The following AHNAK variants were observed in gnomAD, a reference collection of about 807,000 sequenced individuals.
The protein encoded by AHNAK is neuroblast differentiation-associated protein AHNAK.
A neutral mutation model predicts 37.8 loss-of-function variants in AHNAK; 23 were observed. The observed-to-expected ratio is 0.61, with a 90% CI of 0.44 to 0.86. The LOEUF is 0.86. Ranked by LOEUF, AHNAK falls within the 40% of genes least tolerant of loss-of-function variation. AHNAK has a pLI of 0.00. For missense variants in AHNAK, 7,411 were observed against 7,319.4 expected (o/e 1.01, Z -0.46); for synonymous variants, 2,481 against 2,636.3 (o/e 0.94, Z 1.80).
At position 62,517,657 on chromosome 11, in the gene AHNAK, T is replaced by C. The variant is rs755357271; in HGVS notation, c.16760A>G (p.His5587Arg). 1 of 1,614,182 alleles carries C rather than the reference T, an allele frequency of 6.2e-7. No individual in the cohort carries two copies. Among genetic ancestry groups the C allele is most frequent in the Non-Finnish European group, 8.5e-7 (1 of 1,180,032 alleles). ...ACCCCCGGAACCTTTAACACTCAAA[T>C]GCCCTTCACCAAGGCTGATGTCTGG... The part of the protein sequence containing the change: ...SAPDISLGEG[H>R]LSVKGSGGEW... Residue 5587 changes from histidine to arginine, a missense_variant, in exon 5 of 5, where the codon CAT becomes CGT. His to Arg is a conservative substitution (Grantham distance 29). Coordinates refer to ENST00000378024, the MANE Select transcript of AHNAK (RefSeq NM_001620.3).
Position 62,526,127 on chromosome 11 carries a change from G to A in AHNAK, c.8290C>T (p.Leu2764=). 6.2e-7 allele frequency: 1 copy of A among 1,613,638 alleles called. No individual in the cohort carries two copies. ...DVDVHGPDWH[L]KMPKIKMPKI... ...GGCATTTTTATCTTGGGCATCTTTA[G>A]GTGCCAGTCTGGGCCATGAACATCA... The change falls in exon 5 of 5, where the codon CTA becomes TTA. Residue 2764 remains leucine (L), a synonymous_variant. Coordinates refer to ENST00000378024, the MANE Select transcript of AHNAK (RefSeq NM_001620.3).
Position 62,524,168 on chromosome 11 carries a change from T to C in AHNAK, c.10249A>G (p.Met3417Val), listed in dbSNP as rs375550979. 3 of 1,614,138 alleles carry C rather than the reference T, an allele frequency of 1.9e-6. No individual in the cohort carries two copies. The highest frequency in any genetic ancestry group is 3.3e-5 in the Admixed American group (2 of 60,006). ...TTCAAATTTAGCTCCACGTCAGGCA[T>C]AGAAACTTTGGGAGATGAAATACTC... ...FLSISSPKVS[M>V]PDVELNLKSP... Residue 3417 changes from methionine to valine, a missense_variant, in exon 5 of 5, where the codon ATG (methionine) becomes GTG (valine). Met to Val is a conservative substitution (Grantham distance 21). Coordinates refer to ENST00000378024, the MANE Select transcript of AHNAK (RefSeq NM_001620.3).
In AHNAK at chr11:62,524,126, C is replaced by T. The variant is rs1404883921; in HGVS notation, c.10291G>A (p.Gly3431Arg). 2 of 1,614,122 alleles carry T rather than the reference C, an allele frequency of 1.2e-6. No individual in the cohort carries two copies. Among genetic ancestry groups the T allele is most frequent in the Admixed American group, 1.7e-5 (1 of 60,016 alleles). ...TTGGGACCTGCAATATCTAAGTCTC[C>T]TTTGACTTTGGGACTTTTCAAATTT... ...ELNLKSPKVK[G>R]DLDIAGPNLE... The change falls in exon 5 of 5, where the codon GGA becomes AGA. Residue 3431 changes from glycine to arginine, a missense_variant. Physicochemically the swap from Gly to Arg is moderately radical, Grantham distance 125. Coordinates refer to ENST00000378024, the MANE Select transcript of AHNAK (RefSeq NM_001620.3).
rs775609308 is a variant in AHNAK at position 62,543,009 on chromosome 11, C to G, written c.-100+3651G>C. Reference sequence around the variant, plus strand: ...CCGGCTCTGTCGCTGAAGAGCTACCCCCGAGCCCCGCCAGGACACGTAGCT... The same window carrying G: ...CCGGCTCTGTCGCTGAAGAGCTACCGCCGAGCCCCGCCAGGACACGTAGCT... On this transcript the variant is annotated intron_variant, in intron 1 of 4. Coordinates refer to ENST00000378024, the MANE Select transcript of AHNAK (RefSeq NM_001620.3). Among the ~76,000 whole-genome samples, 47 of 152,156 alleles carry G rather than the reference C, an allele frequency of 3.1e-4. 1 individual carries two copies. The highest frequency in any genetic ancestry group is 2.4e-4 in the Non-Finnish European group (16 of 68,006).
Position 62,525,562 on chromosome 11 carries a change from T to A in AHNAK, c.8855A>T (p.Lys2952Met), listed in dbSNP as rs137943783. The change falls in exon 5 of 5, where the codon AAG (lysine) becomes ATG (methionine). Residue 2952 changes from lysine to methionine, a missense_variant. Lys to Met is a moderately conservative substitution (Grantham distance 95, BLOSUM62 -1). Coordinates refer to ENST00000378024, the MANE Select transcript of AHNAK (RefSeq NM_001620.3). ...PEGKLKGPKF[K>M]MPEMNIKAPK... Reference sequence around the variant, plus strand: ...GGCTTTGATATTCATCTCTGGCATCTTGAACTTGGGCCCTTTCAACTTTCC... The same window carrying A: ...GGCTTTGATATTCATCTCTGGCATCATGAACTTGGGCCCTTTCAACTTTCC... 6.2e-7 allele frequency: 1 copy of A among 1,613,960 alleles called. No individual in the cohort carries two copies.
rs1233199071 is a variant in AHNAK, at chr11:62,524,855, C to T, written c.9562G>A (p.Val3188Ile). 8.1e-6 allele frequency: 13 copies of T among 1,613,804 alleles called. No individual in the cohort carries two copies. The highest frequency in any genetic ancestry group is 6.7e-5 in the East Asian group (3 of 44,846). ...DLDVSGPKVD[V>I]DVPDVNIEGP... Reference sequence around the variant, plus strand: ...TCAATATTCACATCTGGAACATCAACGTCCACCTTGGGTCCTGAGACGTCA... The same window carrying T: ...TCAATATTCACATCTGGAACATCAATGTCCACCTTGGGTCCTGAGACGTCA... The change falls in exon 5 of 5, where the codon GTT (valine) becomes ATT (isoleucine). Residue 3188 changes from valine to isoleucine, a missense_variant. Transcript: ENST00000378024.
chr11:62,439,366 GA>G (rs1275458164), intron 5 of AHNAK, among the ~76,000 whole-genome samples: 3 of 152,012 alleles, frequency 2.0e-5, no homozygotes, highest in Middle Eastern at 3.4e-3. Context: ...AAAGTGCTGG[GA>G]TTACAGGCGT....
At chr11:62,439,793 G>A (rs536561487) in intron 5 of AHNAK, among the ~76,000 whole-genome samples, 68 of 150,136 alleles carry the variant, frequency 4.5e-4, no homozygotes, top group Non-Finnish European at 7.5e-4. Flanking sequence ...TCAGCCTCCC[G>A]AGTAGGTGGG....
Position 62,526,026 on chromosome 11 carries a change from G to T in AHNAK, c.8391C>A (p.Val2797=). 1 of 1,613,564 alleles carries T rather than the reference G, an allele frequency of 6.2e-7. No individual in the cohort carries two copies. Among genetic ancestry groups the T allele is most frequent in the Non-Finnish European group, 8.5e-7 (1 of 1,179,926 alleles). The change falls in exon 5 of 5, where the codon GTC becomes GTA. Residue 2797 remains valine (V), a synonymous_variant. Transcript: ENST00000378024. ...DVNLPKADID[V]SGPKVDVECP... is the part of the protein sequence containing the mutation. The stretch of plus-strand genomic sequence containing the variant: ...ATTCAACATCCACTTTCGGTCCTGA[G>T]ACATCAATGTCAGCCTTGGGCAGGT...
intron 4 of AHNAK, among the ~76,000 whole-genome samples, chr11:62,494,325 G>C (rs1319713604): frequency 6.6e-6 from 1 of 152,012 alleles, no homozygotes; most frequent in Non-Finnish European, 1.5e-5. Context: ...TCAGTTTCTA[G>C]TTATAAAATG....
At position 62,519,119 on chromosome 11, in the gene AHNAK, G is replaced by A. The variant is rs772165133; in HGVS notation, c.15298C>T (p.Pro5100Ser). The A allele has an allele frequency of 2.5e-6, 4 of 1,613,766 alleles. No individual in the cohort carries two copies. The highest frequency in any genetic ancestry group is 1.1e-5 in the South Asian group (1 of 90,966). ...FPDVEFDIKSPKFKAEAPLPS... is the reference protein window; with the variant it reads ...FPDVEFDIKSSKFKAEAPLPS... ...AGAGGGGCCTCAGCTTTAAATTTAGGTGATTTAATGTCAAACTCTACATCT... is the reference window on the plus strand; with the variant it reads ...AGAGGGGCCTCAGCTTTAAATTTAGATGATTTAATGTCAAACTCTACATCT... The change falls in exon 5 of 5, where the codon CCT (proline) becomes TCT (serine). Residue 5100 changes from proline (P) to serine (S), a missense_variant. Pro to Ser is a moderately conservative substitution (Grantham distance 74). Transcript: ENST00000378024.
chr11:62,496,888 GGAAGGAAA>G (rs1239269727), intron 4 of AHNAK, among the ~76,000 whole-genome samples: 1 of 143,072 alleles, frequency 7.0e-6, no homozygotes, highest in Non-Finnish European at 1.5e-5. Context: ...AGGGAAGGAA[GGAAGGAAA>G]GAAAGAAAGA....
chr11:62,518,528 C>T lies in AHNAK; in HGVS notation c.15889G>A (p.Val5297Ile), dbSNP rs201931126. Residue 5297 changes from valine to isoleucine, a missense_variant, in exon 5 of 5, where the codon GTC becomes ATC. Coordinates refer to ENST00000378024, the MANE Select transcript of AHNAK (RefSeq NM_001620.3). ...LPSVNLSMPK[V>I]SGPDLDLNLK... is the part of the protein sequence containing the mutation. The stretch of plus-strand genomic sequence containing the variant: ...TTCAGATCAAGGTCAGGCCCAGAGA[C>T]TTTTGGCATAGAGAGGTTCACTGAA... The T allele has an allele frequency of 3.1e-4, 506 of 1,614,164 alleles. 2 individuals are homozygous for T. Among genetic ancestry groups the T allele is most frequent in the Non-Finnish European group, 9.7e-5 (114 of 1,180,040 alleles).
At position 62,532,161 on chromosome 11, in the gene AHNAK, C is replaced by T. The variant is rs890979942; in HGVS notation, c.2256G>A (p.Met752Ile). ...CTGGCACACTGAATTTGGGCATTTT[C>T]ATCTTGGGCATCTTCAAGTGCCAGT... ...GPDWHLKMPKMKMPKFSVPGF... is the reference protein window; with the variant it reads ...GPDWHLKMPKIKMPKFSVPGF... The change falls in exon 5 of 5, where the codon ATG becomes ATA. Residue 752 changes from methionine (M) to isoleucine (I), a missense_variant. Met to Ile is a conservative substitution (Grantham distance 10). Transcript: ENST00000378024. The T allele has an allele frequency of 6.2e-7, 1 of 1,614,140 alleles. No individual in the cohort carries two copies. Among genetic ancestry groups the T allele is most frequent in the Admixed American group, 1.7e-5 (1 of 60,002 alleles).
chr11:62,465,724 G>A (rs902635692), intron 5 of AHNAK, among the ~76,000 whole-genome samples: 1 of 152,138 alleles, frequency 6.6e-6, no homozygotes, highest in Non-Finnish European at 1.5e-5. Context: ...CCTTATAAGA[G>A]GAAACACAGA....
chr11:62,461,899 C>T (rs910366876), intron 5 of AHNAK, among the ~76,000 whole-genome samples: 3 of 151,364 alleles, frequency 2.0e-5, no homozygotes, highest in African/African-American at 7.3e-5. Flanking sequence ...GAACTGATGT[C>T]TTTGTGGTTG....
At chr11:62,481,869 A>G (rs1214386764) in intron 5 of AHNAK, among the ~76,000 whole-genome samples, 2 of 151,992 alleles carry the variant, frequency 1.3e-5, no homozygotes, top group South Asian at 4.2e-4. Context: ...CTGGCCCTTC[A>G]ATACTCTTTA....
chr11:62,488,347 G>A (rs1217381546), intron 5 of AHNAK, among the ~76,000 whole-genome samples: 3 of 151,206 alleles, frequency 2.0e-5, no homozygotes, highest in Non-Finnish European at 2.9e-5. Flanking sequence ...TAGAGAAATG[G>A]CCACCATGTA....
Position 62,529,095 on chromosome 11 carries a change from C to G in AHNAK, c.5322G>C (p.Leu1774Phe). ...LKGSKFKMPK[L>F]NIKAPKVSMP... ...TGGAGACCTTGGGAGCTTTTATATTCAACTTGGGCATCTTAAATTTGGAGC... is the reference window on the plus strand; with the variant it reads ...TGGAGACCTTGGGAGCTTTTATATTGAACTTGGGCATCTTAAATTTGGAGC... The change falls in exon 5 of 5, where the codon TTG becomes TTC. Residue 1774 changes from leucine to phenylalanine, a missense_variant. Physicochemically the swap from Leu to Phe is conservative, Grantham distance 22. Transcript: ENST00000378024. 6.2e-7 allele frequency: 1 copy of G among 1,614,072 alleles called. No individual in the cohort carries two copies. Among genetic ancestry groups the G allele is most frequent in the South Asian group, 1.1e-5 (1 of 91,078 alleles).
Sources: allele counts gnomAD v4.1 joint callset (sites outside exome capture counted in the v4.1 genomes callset), GRCh38; gene constraint gnomAD v4.1.1; transcripts MANE v1.5; gene names NCBI Gene and HGNC (gene_info 2026-07-23, HGNC 2026-07-21).